Variants in NRXN3 observed in about 807,000 individuals in gnomAD.
NRXN3 encodes the protein neurexin 3.
In NRXN3, 32 loss-of-function variants were observed where a neutral mutation model predicts 137.6. The observed-to-expected ratio is 0.23, with a 90% CI of 0.18 to 0.31. The LOEUF is 0.31. NRXN3 is among the 10% of genes least tolerant of loss of function. The probability of loss-of-function intolerance (pLI) is 1.00; values close to 1 mark genes in which losing one functional copy is unlikely to be tolerated. For missense variants in NRXN3, 1,574 were observed against 2,062.5 expected (o/e 0.76, Z 4.59); for synonymous variants, 798 against 784.5 (o/e 1.02, Z -0.29).
intron 20 of NRXN3, among the ~76,000 whole-genome samples, chr14:79,813,077 A>G (rs1478541851): frequency 6.6e-6 from 1 of 152,192 alleles, no homozygotes; most frequent in Admixed American, 6.6e-5. Context: ...TATAAGTGAT[A>G]TTAGACTAAT....
intron 15 of NRXN3, among the ~76,000 whole-genome samples, chr14:79,434,315 A>G (rs972669145): frequency 6.6e-6 from 1 of 152,152 alleles, no homozygotes; most frequent in Non-Finnish European, 1.5e-5. Context: ...CAGGTGCACA[A>G]TTTGGAAAAA....
intron 15 of NRXN3, among the ~76,000 whole-genome samples, chr14:79,443,847 A>G (rs1443176543): frequency 1.3e-5 from 2 of 152,226 alleles, no homozygotes; most frequent in African/African-American, 4.8e-5. Flanking sequence ...ATCCACTGGC[A>G]GCAAATTCCT....
intron 19 of NRXN3, among the ~76,000 whole-genome samples, chr14:79,711,164 G>A (rs2098802639): frequency 6.6e-6 from 1 of 152,152 alleles, no homozygotes; most frequent in African/African-American, 2.4e-5. Context: ...TTCGGTCCTG[G>A]AGACTAAATT....
intron 15 of NRXN3, among the ~76,000 whole-genome samples, chr14:79,085,453 C>T (rs1037470396): frequency 1.3e-5 from 2 of 152,056 alleles, no homozygotes; most frequent in African/African-American, 4.8e-5. Flanking sequence ...TGAACGTGCC[C>T]ATTTTATTTT....
chr14:79,193,171 T>C (rs1167958010), intron 15 of NRXN3, among the ~76,000 whole-genome samples: 2 of 152,120 alleles, frequency 1.3e-5, no homozygotes, highest in African/African-American at 4.8e-5. Flanking sequence ...ATTGAACTTC[T>C]GAGAAGAATG....
chr14:79,530,471 C>T (rs938983158), intron 16 of NRXN3, among the ~76,000 whole-genome samples: 3 of 151,988 alleles, frequency 2.0e-5, no homozygotes, highest in Admixed American at 1.3e-4. Context: ...TTCAGATGCC[C>T]CCCGGACAAA....
chr14:78,968,294 C>T lies in NRXN3; in HGVS notation c.3090C>T (p.Asp1030=). ...ASVDLNGRLP[D]LINDALHRSG... The stretch of plus-strand genomic sequence containing the variant: ...TGGACTTGAATGGACGCCTGCCAGA[C>T]CTCATCAATGATGCTCTTCATCGGA... Residue 1030 remains aspartate, a synonymous_variant, in exon 14 of 21, where the codon GAC becomes GAT. Coordinates refer to ENST00000335750, the MANE Select transcript of NRXN3 (RefSeq NM_001330195.2). 2 of 1,614,120 alleles carry T rather than the reference C, an allele frequency of 1.2e-6. No homozygotes were observed. Among genetic ancestry groups the T allele is most frequent in the African/African-American group, 2.7e-5 (2 of 75,042 alleles).
intron 19 of NRXN3, among the ~76,000 whole-genome samples, chr14:79,770,265 C>A (rs1201841017): frequency 6.6e-6 from 1 of 152,164 alleles, no homozygotes; most frequent in African/African-American, 2.4e-5. Context: ...AGCTCTGCAC[C>A]AAGCGGACCT....
At chr14:78,903,587 AT>A (rs540623156) in intron 10 of NRXN3, among the ~76,000 whole-genome samples, 31 of 152,078 alleles carry the variant, frequency 2.0e-4, no homozygotes, top group Non-Finnish European at 4.3e-4. Context: ...AGATACAGAA[AT>A]TTGTAACTCG....
chr14:78,657,076 G>C, intron 6 of NRXN3, among the ~76,000 whole-genome samples: 1 of 94,748 alleles, frequency 1.1e-5, no homozygotes, highest in East Asian at 3.2e-4. Flanking sequence ...AAAAAAAAAA[G>C]AAAAGGTGGT....
chr14:79,859,440 G>T (rs1302081716), intron 20 of NRXN3, among the ~76,000 whole-genome samples: 1 of 152,148 alleles, frequency 6.6e-6, no homozygotes, highest in Non-Finnish European at 1.5e-5. Flanking sequence ...GCATGGGAAA[G>T]GTTTCAGGAT....
intron 15 of NRXN3, among the ~76,000 whole-genome samples, chr14:79,284,624 C>T (rs2081949657): frequency 6.6e-6 from 1 of 151,916 alleles, no homozygotes; most frequent in African/African-American, 2.4e-5. Flanking sequence ...TGCTCAGAAA[C>T]CAGGGTGTGT....
At chr14:78,733,157 C>A (rs2098524490) in intron 8 of NRXN3, among the ~76,000 whole-genome samples, 2 of 152,054 alleles carry the variant, frequency 1.3e-5, no homozygotes, top group African/African-American at 2.4e-5. Flanking sequence ...AAATAATAAT[C>A]TGGTTACTGA....
intron 17 of NRXN3, among the ~76,000 whole-genome samples, chr14:79,686,870 T>A (rs374717811): frequency 1.7e-3 from 254 of 152,288 alleles, no homozygotes; most frequent in African/African-American, 6.0e-3. Context: ...CCAGAAGACA[T>A]GTAGAGGTGA....
chr14:79,209,378 G>A (rs1230350392), intron 15 of NRXN3, among the ~76,000 whole-genome samples: 4 of 151,688 alleles, frequency 2.6e-5, no homozygotes, highest in Non-Finnish European at 4.4e-5. Flanking sequence ...GTATATTTCA[G>A]TCTGTCTATA....
chr14:78,377,701 C>T (rs1178761627), intron 4 of NRXN3, among the ~76,000 whole-genome samples: 1 of 152,158 alleles, frequency 6.6e-6, no homozygotes, highest in Admixed American at 6.5e-5. Flanking sequence ...TCAATATGTC[C>T]TCACCTGGCC....
intron 4 of NRXN3, among the ~76,000 whole-genome samples, chr14:78,299,453 C>T (rs2076662457): frequency 1.3e-5 from 2 of 151,352 alleles, no homozygotes; most frequent in South Asian, 4.2e-4. Flanking sequence ...CTTAGAGTCC[C>T]AATAAGCCCC....
chr14:79,086,987 T>G (rs2048249227), intron 15 of NRXN3, among the ~76,000 whole-genome samples: 1 of 152,152 alleles, frequency 6.6e-6, no homozygotes, highest in Non-Finnish European at 1.5e-5. Flanking sequence ...TAACAATAAC[T>G]TAAGAGAGCA....
intron 4 of NRXN3, among the ~76,000 whole-genome samples, chr14:78,623,262 G>A (rs79613264): frequency 0.024 from 3,606 of 152,266 alleles, 111 homozygotes; most frequent in East Asian, 0.18. Flanking sequence ...AGTCTCCAGA[G>A]TTTTTCAGTA....
Sources: gnomAD v4.1 joint callset for allele counts (sites outside exome capture counted in the v4.1 genomes callset) on GRCh38, gnomAD v4.1.1 for gene constraint, MANE v1.5 for transcripts, NCBI Gene and HGNC (gene_info 2026-07-23, HGNC 2026-07-21) for gene names.